The following UBXN2A variants were observed in gnomAD, a reference collection of about 807,000 sequenced individuals.
UBXN2A encodes UBX domain-containing protein 2A.
UBXN2A carries 28 observed loss-of-function variants against 28.4 expected under a neutral mutation model. The ratio of observed to expected loss-of-function variants is 0.99; its 90% CI spans 0.73 to 1.35. The LOEUF (loss-of-function observed/expected upper bound fraction) is 1.35. UBXN2A is among the 40% of genes most tolerant of loss of function. The pLI, the probability that UBXN2A is intolerant of heterozygous loss-of-function variation, is 0.00. For missense variants in UBXN2A, 253 were observed against 297.9 expected (o/e 0.85, Z 1.11); for synonymous variants, 97 against 103.6 (o/e 0.94, Z 0.39).
chr2:23,987,777 C>CA (rs56133612), intron 6 of UBXN2A, among the ~76,000 whole-genome samples: 58 of 131,072 alleles, frequency 4.4e-4, no homozygotes, highest in African/African-American at 7.0e-4. Context: ...GACTCCATCT[C>CA]AAAAAAAAAA....
At position 23,948,783 on chromosome 2, in the gene UBXN2A, A is replaced by G. The variant is rs796708812; in HGVS notation, c.-15+8135A>G. 8.5e-5 allele frequency among the ~76,000 whole-genome samples: 13 copies of G among 152,292 alleles called. 1 individual carries two copies. The highest frequency in any genetic ancestry group is 2.9e-4 in the African/African-American group (12 of 41,566). On this transcript the variant is annotated intron_variant, in intron 1 of 6. Transcript: ENST00000309033. The stretch of plus-strand genomic sequence containing the variant: ...AAAACTCAGTTTGAATTTGAGGTCT[A>G]TTCTATCTTCATTCTCTTTTGCTGT...
chr2:23,988,025 A>C (rs1324926193), intron 6 of UBXN2A, among the ~76,000 whole-genome samples: 1 of 150,526 alleles, frequency 6.6e-6, no homozygotes, highest in East Asian at 2.0e-4. Context: ...CAGGAGGCTG[A>C]GGCAGGAGAA....
intron 2 of UBXN2A, among the ~76,000 whole-genome samples, chr2:23,964,458 C>T (rs981788874): frequency 2.0e-5 from 3 of 152,186 alleles, no homozygotes; most frequent in African/African-American, 7.2e-5. Flanking sequence ...GATCCGCCTG[C>T]CTCGACCTCC....
intron 2 of UBXN2A, among the ~76,000 whole-genome samples, chr2:23,968,037 C>T (rs1339241650): frequency 6.6e-6 from 1 of 151,862 alleles, no homozygotes; most frequent in East Asian, 1.9e-4. Flanking sequence ...CAGCCTCAAA[C>T]TCCTGGCCTC....
rs1211605243 is a variant in UBXN2A, at chr2:23,999,973, C to T, written c.*106C>T. On this transcript the variant is annotated 3_prime_UTR_variant, in exon 7 of 7. Coordinates refer to ENST00000309033, the MANE Select transcript of UBXN2A (RefSeq NM_181713.4). ...AGTCAGACTCACTAGACTTTTGGTT[C>T]GAGTACTATTGAACTCTCTCCTGAT... is the stretch of plus-strand genomic sequence containing the variant. 5 of 1,122,554 alleles carry T rather than the reference C, an allele frequency of 4.5e-6. No homozygotes were observed. The highest frequency in any genetic ancestry group is 1.5e-5 in the South Asian group (1 of 64,794). 69.5% of individuals were successfully genotyped at this position (1,122,554 alleles called of 1,614,324 possible). A position where few individuals can be genotyped will look rare whatever the true frequency, so the allele number is the denominator to read the frequency against.
intron 1 of UBXN2A, among the ~76,000 whole-genome samples, chr2:23,951,417 T>G (rs1204420294): frequency 1.5e-4 from 1 of 6,750 alleles, no homozygotes; most frequent in African/African-American, 3.2e-4. Context: ...AAGATGGATA[T>G]ATATATATAT....
In UBXN2A at chr2:23,982,966, A is replaced by G. The variant is rs374402707; in HGVS notation, c.358A>G (p.Asn120Asp). The G allele has an allele frequency of 4.5e-5, 73 of 1,612,490 alleles. 1 individual carries two copies. The African/African-American group carries it at 6.1e-4, about 14-fold the overall frequency. The part of the protein sequence containing the change: ...EVDVKVEDKK[N>D]EICLSTKPVF... ...GGACGTTAAAGTTGAAGACAAGAAAAATGAAATATGTTTGTCTACGAAGCC... is the reference window on the plus strand; with the variant it reads ...GGACGTTAAAGTTGAAGACAAGAAAGATGAAATATGTTTGTCTACGAAGCC... Residue 120 changes from asparagine to aspartate, a missense_variant, in exon 5 of 7, where the codon AAT becomes GAT. Asn to Asp is a conservative substitution (Grantham distance 23, BLOSUM62 1). Transcript: ENST00000309033.
At chr2:23,967,050 G>T (rs1211411130) in intron 2 of UBXN2A, among the ~76,000 whole-genome samples, 8 of 151,992 alleles carry the variant, frequency 5.3e-5, no homozygotes, top group Non-Finnish European at 1.2e-4. Context: ...GAGCCATTGT[G>T]CCTGGCTGTA....
At chr2:23,948,254 CTTTTTTT>C (rs60805838) in intron 1 of UBXN2A, among the ~76,000 whole-genome samples, 1 of 129,188 alleles carries the variant, frequency 7.7e-6, no homozygotes, top group Admixed American at 8.0e-5. Flanking sequence ...TTTTCTTTTT[CTTTTTTT>C]TTTTTTTTTG....
At chr2:23,994,905 T>C (rs1708473278) in intron 6 of UBXN2A, among the ~76,000 whole-genome samples, 1 of 152,212 alleles carries the variant, frequency 6.6e-6, no homozygotes, top group East Asian at 1.9e-4. Flanking sequence ...TTTTAGAGCA[T>C]GGACTTGAAC....
chr2:23,952,817 A>G (rs963378481), intron 1 of UBXN2A, among the ~76,000 whole-genome samples: 2 of 152,056 alleles, frequency 1.3e-5, no homozygotes, highest in Non-Finnish European at 2.9e-5. Context: ...GGCCTCAAAC[A>G]GTCCTCCCAC....
At chr2:23,956,177 T>A (rs199562493) in intron 1 of UBXN2A, among the ~76,000 whole-genome samples, 3 of 147,426 alleles carry the variant, frequency 2.0e-5, no homozygotes, top group African/African-American at 2.5e-5. Context: ...TCTTTTTTAT[T>A]AAAAAAAAAA....
intron 1 of UBXN2A, among the ~76,000 whole-genome samples, chr2:23,930,851 T>A (rs1364451020): frequency 6.6e-6 from 1 of 151,642 alleles, no homozygotes; most frequent in Non-Finnish European, 1.5e-5. Flanking sequence ...AGACCCCATC[T>A]CTATAAATTA....
chr2:23,971,438 C>CTT, intron 3 of UBXN2A, 24 bp downstream of exon 3: 4 of 1,472,770 alleles, frequency 2.7e-6, no homozygotes, highest in Non-Finnish European at 3.7e-6. Flanking sequence ...TATTACTTTT[C>CTT]TTTTTCTTTC....
rs918922591 is a variant in UBXN2A, at chr2:23,952,915, A to AT, written c.-14-5377dup. Reference sequence around the variant, plus strand: ...TTTTAAAATTGTGAAAAAGTCATTGATTTTTTTTTCAAGCCATGAATCAAC... The same window carrying AT: ...TTTTAAAATTGTGAAAAAGTCATTGATTTTTTTTTTCAAGCCATGAATCAAC... On this transcript the variant is annotated intron_variant, in intron 1 of 6. Transcript: ENST00000309033. Among the ~76,000 whole-genome samples, 51 of 143,794 alleles carry AT rather than the reference A, an allele frequency of 3.5e-4. No individual in the cohort carries two copies. In the South Asian group the frequency reaches 4.8e-3, roughly 14 times the overall value. 94.3% of individuals were successfully genotyped at this position (143,794 alleles called of 152,430 possible).
chr2:23,970,940 TTTGC>T (rs1177956432), intron 2 of UBXN2A, among the ~76,000 whole-genome samples: 40 of 152,218 alleles, frequency 2.6e-4, no homozygotes, highest in African/African-American at 8.9e-4. Context: ...CAGATGAAGC[TTTGC>T]TTGTTCGCCT....
chr2:23,946,299 G>A (rs989415421), intron 1 of UBXN2A, among the ~76,000 whole-genome samples: 1 of 151,330 alleles, frequency 6.6e-6, no homozygotes, highest in African/African-American at 2.4e-5. Context: ...GACTACAGGC[G>A]TGTGCCATCA....
chr2:23,964,160 G>C (rs1229264119), intron 2 of UBXN2A, among the ~76,000 whole-genome samples: 2 of 150,660 alleles, frequency 1.3e-5, no homozygotes, highest in Non-Finnish European at 3.0e-5. Context: ...ATCTCGAAAA[G>C]AGATGAATGG....
At chr2:23,999,630 A>C (rs189050555) in intron 6 of UBXN2A, 42 bp from the exon 7 acceptor site, 18 of 1,567,846 alleles carry the variant, frequency 1.1e-5, no homozygotes, top group Admixed American at 8.1e-5. Context: ...AGGTAATTCA[A>C]ATTTTCCTAA....
Sources: gnomAD v4.1 joint callset for allele counts (sites outside exome capture counted in the v4.1 genomes callset) on GRCh38, gnomAD v4.1.1 for gene constraint, MANE v1.5 for transcripts, NCBI Gene and HGNC (gene_info 2026-07-23, HGNC 2026-07-21) for gene names.